AKNAD1: variants seen among roughly 807,000 people sequenced by gnomAD.
AKNAD1 encodes the protein AKNA domain containing 1, also known as protein AKNAD1.
A neutral mutation model predicts 90.8 loss-of-function variants in AKNAD1; 67 were observed. That is an observed-to-expected ratio of 0.74 (90% CI 0.61 to 0.90). The LOEUF is 0.90. Among genes scored for constraint, AKNAD1 ranks in the 40% least tolerant of loss-of-function variants. The pLI is 0.00. For synonymous variants in AKNAD1, 327 were observed against 341.4 expected (o/e 0.96, Z 0.46); for missense variants, 957 against 975.4 (o/e 0.98, Z 0.25).
Position 108,837,712 on chromosome 1 carries a change from T to A in AKNAD1, c.1380-6A>T. 1 of 1,613,988 alleles carries A rather than the reference T, an allele frequency of 6.2e-7. No individual in the cohort carries two copies. The highest frequency in any genetic ancestry group is 8.5e-7 in the Non-Finnish European group (1 of 1,179,914). ...AGATTTCACCTTCCACTTTTCTAAG[T>A]AAACATAAACACACAGGCATCTTCT... On this transcript the variant is annotated splice_polypyrimidine_tract_variant and splice_region_variant and intron_variant, in intron 6 of 15. Transcript: ENST00000370001.
Position 108,815,929 on chromosome 1 carries a change from T to A in AKNAD1, c.*242A>T, listed in dbSNP as rs1036191099. The A allele has an allele frequency of 3.8e-6, 1 of 263,844 alleles. No homozygotes were observed. Among genetic ancestry groups the A allele is most frequent in the African/African-American group, 2.2e-5 (1 of 44,924 alleles). 16.3% of individuals were successfully genotyped at this position (263,844 alleles called of 1,614,324 possible). A position where few individuals can be genotyped will look rare whatever the true frequency, so the allele number is the denominator to read the frequency against. On this transcript the variant is annotated 3_prime_UTR_variant, in exon 16 of 16. Coordinates refer to ENST00000370001, the MANE Select transcript of AKNAD1 (RefSeq NM_152763.5). ...TGTTTTGATTTCTTTTATTATGAGT[T>A]AAGAAGAACATAGATTTATTTTAAA...
Position 108,823,527 on chromosome 1 carries a change from G to A in AKNAD1, c.2059+39C>T, listed in dbSNP as rs570067338. On this transcript the variant is annotated intron_variant, in intron 12 of 15. Coordinates refer to ENST00000370001, the MANE Select transcript of AKNAD1 (RefSeq NM_152763.5). ...AGTTAATTGCCTGGGAACAGTGACT[G>A]TCCCCACTCGCCTTTCTGAGGCCCC... 28 of 1,611,038 alleles carry A rather than the reference G, an allele frequency of 1.7e-5. No individual in the cohort carries two copies. In the African/African-American group the frequency reaches 3.3e-4, roughly 19 times the overall value.
chr1:108,816,444 G>A, intron 15 of AKNAD1, 142 bp from the exon 16 acceptor site: 1 of 895,398 alleles, frequency 1.1e-6, no homozygotes. Context: ...GTTTTTGAGG[G>A]TTGGTTTCCT....
intron 9 of AKNAD1, 25 bp from the exon 10 acceptor site, chr1:108,830,675 A>G: frequency 1.2e-6 from 2 of 1,611,032 alleles, no homozygotes; most frequent in Non-Finnish European, 1.7e-6. Flanking sequence ...ACACAGATGG[A>G]GATGTGATAG....
chr1:108,841,857 G>A (rs1664566406), intron 6 of AKNAD1, among the ~76,000 whole-genome samples: 1 of 152,130 alleles, frequency 6.6e-6, no homozygotes, highest in South Asian at 2.1e-4. Context: ...TTGCCCCAGT[G>A]TTGAAAGCTT....
chr1:108,817,663 G>A (rs539993381), intron 14 of AKNAD1, among the ~76,000 whole-genome samples: 4 of 151,118 alleles, frequency 2.6e-5, no homozygotes, highest in East Asian at 1.9e-4. Flanking sequence ...CACCACGCCC[G>A]GCTAATTTTT....
At chr1:108,833,513 G>A (rs997046857) in intron 9 of AKNAD1, among the ~76,000 whole-genome samples, 1 of 151,968 alleles carries the variant, frequency 6.6e-6, no homozygotes, top group African/African-American at 2.4e-5. Context: ...AACCCAGGAG[G>A]CAGAGGTTGC....
intron 10 of AKNAD1, among the ~76,000 whole-genome samples, chr1:108,828,171 G>T (rs1272659230): frequency 1.3e-5 from 2 of 151,742 alleles, no homozygotes; most frequent in African/African-American, 2.4e-5. Flanking sequence ...GGGTCACGTA[G>T]CTTTGGTCCT....
chr1:108,817,299 C>T, intron 14 of AKNAD1, 122 bp from the exon 15 acceptor site: 1 of 1,265,822 alleles, frequency 7.9e-7, no homozygotes, highest in East Asian at 2.5e-5. Flanking sequence ...ATTCGTGCAC[C>T]CGCTGCCCTC....
intron 6 of AKNAD1, among the ~76,000 whole-genome samples, chr1:108,842,659 G>A (rs1057107981): frequency 6.6e-6 from 1 of 152,074 alleles, no homozygotes; most frequent in African/African-American, 2.4e-5. Context: ...GGAAAGAAAA[G>A]GGGAAAGAGA....
intron 14 of AKNAD1, among the ~76,000 whole-genome samples, chr1:108,817,908 A>AC (rs891702019): frequency 3.4e-4 from 51 of 152,050 alleles, no homozygotes; most frequent in African/African-American, 9.7e-4. Context: ...GTGAGCTTTC[A>AC]CCCCAAGGAG....
intron 2 of AKNAD1, among the ~76,000 whole-genome samples, chr1:108,851,364 T>A (rs1664857233): frequency 1.3e-5 from 2 of 152,078 alleles, no homozygotes; most frequent in African/African-American, 2.4e-5. Flanking sequence ...TGGGAAGAGG[T>A]TCTGGACCAG....
rs1417426168 is a variant in AKNAD1 at position 108,843,189 on chromosome 1, G to A, written c.1324C>T (p.Gln442Ter). ...LATKDKHLTL[Q>*]QQVHKHESTI... ...GATTCGTGCTTGTGGACTTGCTGCT[G>A]CAAAGTCAGATGCTTGTCCTTGGTG... Residue 442 changes from glutamine to a stop codon, truncating the protein, a stop_gained, in exon 6 of 16, where the codon CAG becomes TAG. Transcript: ENST00000370001. LOFTEE classifies it high-confidence loss of function. The A allele has an allele frequency of 9.3e-6, 15 of 1,614,154 alleles. No individual in the cohort carries two copies. Among genetic ancestry groups the A allele is most frequent in the African/African-American group, 2.7e-5 (2 of 75,054 alleles).
chr1:108,848,491 G>A (rs950547559), intron 5 of AKNAD1, among the ~76,000 whole-genome samples: 6 of 152,062 alleles, frequency 3.9e-5, no homozygotes, highest in Non-Finnish European at 7.4e-5. Flanking sequence ...TGAACCTCCC[G>A]TGGTGTCAGA....
rs752966432 is a variant in AKNAD1 at position 108,835,038 on chromosome 1, C to T, written c.1555G>A (p.Gly519Ser). The change falls in exon 8 of 16, where the codon GGC becomes AGC. Residue 519 changes from glycine to serine, a missense_variant. Gly to Ser is a moderately conservative substitution (Grantham distance 56). Transcript: ENST00000370001. Reference protein sequence around the residue: ...LSNEIPKEHPGHPSGPRGSGG... With the variant: ...LSNEIPKEHPSHPSGPRGSGG... ...GAGCCTCGAGGCCCAGAAGGGTGGC[C>T]GGGGTGCTCCTTGGGAATCTGGGGG... 9 of 1,575,134 alleles carry T rather than the reference C, an allele frequency of 5.7e-6. No individual in the cohort carries two copies. The highest frequency in any genetic ancestry group is 4.2e-5 in the African/African-American group (3 of 71,394).
At chr1:108,831,034 G>C (rs535075067) in intron 9 of AKNAD1, among the ~76,000 whole-genome samples, 1 of 152,308 alleles carries the variant, frequency 6.6e-6, no homozygotes, top group Admixed American at 6.5e-5. Flanking sequence ...GCCAGATAAT[G>C]AACAGATTTA....
chr1:108,829,931 A>G (rs1664132448), intron 10 of AKNAD1, among the ~76,000 whole-genome samples: 1 of 152,182 alleles, frequency 6.6e-6, no homozygotes, highest in South Asian at 2.1e-4. Flanking sequence ...AGTTGCACCA[A>G]TGGGTGTTTC....
At chr1:108,834,310 T>A in intron 9 of AKNAD1, 137 bp downstream of exon 9, 1 of 704,614 alleles carries the variant, frequency 1.4e-6, no homozygotes, top group Non-Finnish European at 2.3e-6. Context: ...TCACCAGCAC[T>A]GACACCCAGG....
intron 13 of AKNAD1, 191 bp downstream of exon 13, chr1:108,823,179 C>A (rs1306994378): frequency 8.3e-6 from 6 of 720,664 alleles, no homozygotes; most frequent in African/African-American, 1.7e-5. Flanking sequence ...TTTTCCAGCC[C>A]CAGCTCAGCC....
Sources: allele counts gnomAD v4.1 joint callset (sites outside exome capture counted in the v4.1 genomes callset), GRCh38; gene constraint gnomAD v4.1.1; transcripts MANE v1.5; gene names NCBI Gene and HGNC (gene_info 2026-07-23, HGNC 2026-07-21).